Variants in SPOCK3 observed in about 807,000 individuals in gnomAD.
SPOCK3 encodes SPARC (osteonectin), cwcv and kazal like domains proteoglycan 3.
SPOCK3 carries 30 observed loss-of-function variants against 56.6 expected under a neutral mutation model. That is an observed-to-expected ratio of 0.53 (90% CI 0.40 to 0.72). The LOEUF is 0.72. SPOCK3 is among the 30% of genes least tolerant of loss of function. The pLI, the probability that SPOCK3 is intolerant of heterozygous loss-of-function variation, is 0.00. For synonymous variants in SPOCK3, 196 were observed against 183.3 expected, an observed-to-expected ratio of 1.07 and a Z score of -0.56; for missense variants, 527 against 530.0, an observed-to-expected ratio of 0.99 and a Z score of 0.06.
intron 2 of SPOCK3, among the ~76,000 whole-genome samples, chr4:167,216,445 G>T (rs914362750): frequency 6.6e-6 from 1 of 152,086 alleles, no homozygotes; most frequent in Non-Finnish European, 1.5e-5. Flanking sequence ...AAACATGAAG[G>T]TTATCTACAA....
chr4:166,761,895 TAAA>T (rs748340803), intron 7 of SPOCK3, among the ~76,000 whole-genome samples: 13 of 103,432 alleles, frequency 1.3e-4, no homozygotes, highest in South Asian at 1.2e-3. Context: ...TAGAGTATAA[TAAA>T]AAAAAAAAAA....
intron 6 of SPOCK3, among the ~76,000 whole-genome samples, chr4:166,825,840 A>C (rs1047768778): frequency 6.6e-6 from 1 of 152,070 alleles, no homozygotes. Context: ...GAGCTAAGCT[A>C]TAAGGATGCA....
intron 2 of SPOCK3, among the ~76,000 whole-genome samples, chr4:167,231,438 G>T (rs1484504720): frequency 6.6e-6 from 1 of 151,982 alleles, no homozygotes; most frequent in Non-Finnish European, 1.5e-5. Context: ...CAGTTAAATT[G>T]TTTCTCAAAT....
intron 3 of SPOCK3, among the ~76,000 whole-genome samples, chr4:167,031,736 T>G (rs893774138): frequency 4.6e-5 from 7 of 152,002 alleles, no homozygotes; most frequent in Admixed American, 3.3e-4. Context: ...AATCTTTCCC[T>G]CTCTCTGTTG....
chr4:166,976,236 T>C (rs755965508), intron 4 of SPOCK3, among the ~76,000 whole-genome samples: 1 of 152,166 alleles, frequency 6.6e-6, no homozygotes, highest in African/African-American at 2.4e-5. Context: ...GGAGGCATCA[T>C]TGACTTCTCC....
chr4:167,040,464 G>A (rs2150199818), intron 3 of SPOCK3, among the ~76,000 whole-genome samples: 1 of 152,254 alleles, frequency 6.6e-6, no homozygotes, highest in East Asian at 1.9e-4. Flanking sequence ...ATATAAACAT[G>A]CTGTTAGCCT....
chr4:167,222,712 T>A (rs1282463665), intron 2 of SPOCK3, among the ~76,000 whole-genome samples: 1 of 132,428 alleles, frequency 7.6e-6, no homozygotes, highest in African/African-American at 2.8e-5. Context: ...TAAACATAGA[T>A]ATATATTGAT....
At chr4:166,785,532 T>C (rs1282473410) in intron 7 of SPOCK3, among the ~76,000 whole-genome samples, 4 of 152,268 alleles carry the variant, frequency 2.6e-5, no homozygotes, top group Admixed American at 2.0e-4. Context: ...GAGTTAAGTA[T>C]AATTACTAAA....
chr4:166,884,872 C>G (rs1285871872), intron 6 of SPOCK3, among the ~76,000 whole-genome samples: 1 of 122,756 alleles, frequency 8.1e-6, no homozygotes, highest in Non-Finnish European at 1.7e-5. Context: ...ACTGGTTAAA[C>G]ACACACACAC....
intron 2 of SPOCK3, among the ~76,000 whole-genome samples, chr4:167,139,117 T>G (rs2150395535): frequency 6.6e-6 from 1 of 152,084 alleles, no homozygotes; most frequent in African/African-American, 2.4e-5. Context: ...CCAAAGCCCT[T>G]CAATTCTACA....
At chr4:166,752,564 A>G (rs1455656144) in intron 8 of SPOCK3, among the ~76,000 whole-genome samples, 5 of 50,092 alleles carry the variant, frequency 1.0e-4, no homozygotes, top group Non-Finnish European at 1.9e-4. Flanking sequence ...ATATATATAT[A>G]TATATATATA....
At chr4:166,854,597 T>C (rs1579434457) in intron 6 of SPOCK3, among the ~76,000 whole-genome samples, 1 of 152,230 alleles carries the variant, frequency 6.6e-6, no homozygotes, top group South Asian at 2.1e-4. Flanking sequence ...ATGCTATTTT[T>C]ATATAACTTA....
intron 5 of SPOCK3, among the ~76,000 whole-genome samples, chr4:166,897,395 G>C (rs1735506886): frequency 6.6e-6 from 1 of 152,264 alleles, no homozygotes; most frequent in South Asian, 2.1e-4. Flanking sequence ...TTCTAGAAGA[G>C]AGAGGAGGGT....
intron 2 of SPOCK3, among the ~76,000 whole-genome samples, chr4:167,104,715 A>C (rs997577561): frequency 2.0e-5 from 3 of 152,110 alleles, no homozygotes; most frequent in Admixed American, 2.0e-4. Context: ...CTAGGGAAAG[A>C]TATCAATGTT....
At chr4:166,879,490 G>A (rs1733468310) in intron 6 of SPOCK3, among the ~76,000 whole-genome samples, 1 of 152,120 alleles carries the variant, frequency 6.6e-6, no homozygotes, top group South Asian at 2.1e-4. Context: ...GGGAAACATA[G>A]CAAGACTTTG....
chr4:167,210,156 C>T (rs868064648), intron 2 of SPOCK3, among the ~76,000 whole-genome samples: 2 of 152,278 alleles, frequency 1.3e-5, no homozygotes, highest in East Asian at 1.9e-4. Flanking sequence ...AATTTGTTTA[C>T]GCACATTTAA....
At chr4:167,164,427 TC>T (rs1765582068) in intron 2 of SPOCK3, among the ~76,000 whole-genome samples, 1 of 152,214 alleles carries the variant, frequency 6.6e-6, no homozygotes, top group South Asian at 2.1e-4. Context: ...GATCACAAAT[TC>T]TTTTTTTTAA....
chr4:166,973,987 A>G (rs1395023529), intron 4 of SPOCK3, among the ~76,000 whole-genome samples: 1 of 152,178 alleles, frequency 6.6e-6, no homozygotes, highest in African/African-American at 2.4e-5. Flanking sequence ...CTATTTATAT[A>G]CCTAAATTTG....
chr4:166,773,813 C>T (rs547311721), intron 7 of SPOCK3, among the ~76,000 whole-genome samples: 1 of 152,140 alleles, frequency 6.6e-6, no homozygotes, highest in Non-Finnish European at 1.5e-5. Flanking sequence ...CACACATACA[C>T]ATTTTATATT....
Sources: gnomAD v4.1 joint callset for allele counts (sites outside exome capture counted in the v4.1 genomes callset) on GRCh38, gnomAD v4.1.1 for gene constraint, MANE v1.5 for transcripts, NCBI Gene and HGNC (gene_info 2026-07-23, HGNC 2026-07-21) for gene names.